The following PADI6 variants were observed in gnomAD, a reference collection of about 807,000 sequenced individuals.
PADI6 encodes peptidyl arginine deiminase 6.
In PADI6, 66 loss-of-function variants were observed where a neutral mutation model predicts 78.2. That is an observed-to-expected ratio of 0.84 (90% confidence interval 0.69 to 1.04). The LOEUF (loss-of-function observed/expected upper bound fraction) is 1.04. Among genes scored for constraint, PADI6 ranks in the 50% least tolerant of loss-of-function variants. The pLI is 0.00. For missense variants in PADI6, 854 were observed against 866.1 expected, an observed-to-expected ratio of 0.99 and a Z score of 0.18; for synonymous variants, 397 against 346.9, an observed-to-expected ratio of 1.14 and a Z score of -1.60.
At chr1:17,375,526 G>A in intron 3 of PADI6, 27 bp downstream of exon 3, 1 of 1,574,790 alleles carries the variant, frequency 6.4e-7, no homozygotes, top group Non-Finnish European at 8.6e-7. Flanking sequence ...CTGGGAGCCT[G>A]GGGCCCAACT....
intron 1 of PADI6, 133 bp downstream of exon 1, chr1:17,372,494 G>A (rs1557593466): frequency 6.0e-6 from 5 of 834,206 alleles, no homozygotes; most frequent in Non-Finnish European, 7.8e-6. Context: ...GAAGCCTTGG[G>A]TCTCTAGTGG....
chr1:17,387,158 C>G (rs1300592287), intron 6 of PADI6, among the ~76,000 whole-genome samples: 1 of 152,134 alleles, frequency 6.6e-6, no homozygotes, highest in Non-Finnish European at 1.5e-5. Flanking sequence ...AATGAATGGA[C>G]TTGGGCTGGG....
intron 3 of PADI6, among the ~76,000 whole-genome samples, chr1:17,376,889 GT>G (rs951735121): frequency 6.8e-6 from 1 of 147,920 alleles, no homozygotes; most frequent in Non-Finnish European, 1.5e-5. Flanking sequence ...GTTTTGTCTT[GT>G]TTTTTGTTTT....
intron 14 of PADI6, among the ~76,000 whole-genome samples, chr1:17,397,928 A>AG (rs565278076): frequency 2.7e-4 from 41 of 152,200 alleles, no homozygotes; most frequent in African/African-American, 9.6e-4. Flanking sequence ...CAAATAGACG[A>AG]GGGACTACTC....
intron 8 of PADI6, among the ~76,000 whole-genome samples, chr1:17,391,462 C>T (rs1043907284): frequency 2.6e-5 from 4 of 152,162 alleles, no homozygotes; most frequent in African/African-American, 4.8e-5. Context: ...TTAGGTGATC[C>T]GCCCGCCTCA....
intron 3 of PADI6, among the ~76,000 whole-genome samples, chr1:17,377,316 T>C (rs1409877647): frequency 2.6e-5 from 4 of 152,090 alleles, no homozygotes; most frequent in Non-Finnish European, 5.9e-5. Flanking sequence ...ACTTGAACGC[T>C]TCAGGGATGT....
chr1:17,400,782 T>C (rs2075294099), intron 15 of PADI6, among the ~76,000 whole-genome samples: 1 of 152,064 alleles, frequency 6.6e-6, no homozygotes, highest in African/African-American at 2.4e-5. Flanking sequence ...CAATTGTACA[T>C]GGGTGTCTTC....
chr1:17,372,308 C>G lies in PADI6; in HGVS notation c.63C>G (p.Ser21Arg), dbSNP rs1422626808. 9 of 1,613,862 alleles carry G rather than the reference C, an allele frequency of 5.6e-6. No individual in the cohort carries two copies. The highest frequency in any genetic ancestry group is 7.6e-6 in the Non-Finnish European group (9 of 1,179,886). Residue 21 changes from serine (S) to arginine (R), a missense_variant, in exon 1 of 16, where the codon AGC becomes AGG. Coordinates refer to ENST00000619609, the MANE Select transcript of PADI6 (RefSeq NM_207421.4). ...GTATCATCCACCTGTCCCTGGACAGCCCTGTCCATGCCGTTTGTGTGTTGG... is the reference window on the plus strand; with the variant it reads ...GTATCATCCACCTGTCCCTGGACAGGCCTGTCCATGCCGTTTGTGTGTTGG... ...FQSIIHLSLD[S>R]PVHAVCVLGT...
At position 17,400,437 on chromosome 1, in the gene PADI6, G is replaced by A. The variant is rs192812678; in HGVS notation, c.1852-768G>A. Among the ~76,000 whole-genome samples, 307 of 152,302 alleles carry A rather than the reference G, an allele frequency of 2.0e-3. 2 individuals are homozygous for A. Among genetic ancestry groups the A allele is most frequent in the African/African-American group, 6.9e-3 (287 of 41,556 alleles). On this transcript the variant is annotated intron_variant, in intron 15 of 15. Transcript: ENST00000619609. The stretch of plus-strand genomic sequence containing the variant: ...CAGGAGAATCGCTTGAACCTGGGAG[G>A]TGGAGGTTGCAGTGAGCGGAGATCA...
intron 3 of PADI6, among the ~76,000 whole-genome samples, chr1:17,377,996 CT>C (rs1480332929): frequency 6.6e-6 from 1 of 152,206 alleles, no homozygotes; most frequent in African/African-American, 2.4e-5. Flanking sequence ...AATCTTCCCC[CT>C]GGGTCATCCT....
intron 8 of PADI6, among the ~76,000 whole-genome samples, chr1:17,391,159 A>ATT (rs1390865560): frequency 6.6e-6 from 1 of 152,174 alleles, no homozygotes; most frequent in African/African-American, 2.4e-5. Flanking sequence ...ATCTCCCAAT[A>ATT]TTAGGGCCTT....
chr1:17,395,066 A>T lies in PADI6; in HGVS notation c.1453A>T (p.Met485Leu). ...AATGACTGGCCACGTGGATGAGTTC[A>T]TGTGCTTCATCCCCACAGATGACAA... ...WLMTGHVDEF[M>L]CFIPTDDKNE... The change falls in exon 12 of 16, where the codon ATG (methionine) becomes TTG (leucine). Residue 485 changes from methionine to leucine, a missense_variant. Transcript: ENST00000619609. 6.2e-7 allele frequency: 1 copy of T among 1,613,996 alleles called. No homozygotes were observed.
chr1:17,398,901 G>A lies in PADI6; in HGVS notation c.1851+54G>A, dbSNP rs1298214146. 10 of 1,565,976 alleles carry A rather than the reference G, an allele frequency of 6.4e-6. No homozygotes were observed. The South Asian group carries it at 9.1e-5, about 14-fold the overall frequency. ...GGGGAGGGCCTGTCCAGGCAACACT[G>A]GCTGCCACCTCACTGTGCTGGACTG... On this transcript the variant is annotated intron_variant, in intron 15 of 15. Coordinates refer to ENST00000619609, the MANE Select transcript of PADI6 (RefSeq NM_207421.4).
At position 17,395,529 on chromosome 1, in the gene PADI6, C is replaced by G. The variant is rs372458762; in HGVS notation, c.1495-11C>G. On this transcript the variant is annotated splice_polypyrimidine_tract_variant and intron_variant, in intron 12 of 15. Transcript: ENST00000619609. The stretch of plus-strand genomic sequence containing the variant: ...AGAAAGCTGGCTTCTGACCCAAGTT[C>G]TGTTTCCCAGGGCTTCCTGCTGCTC... 4.3e-5 allele frequency: 67 copies of G among 1,550,206 alleles called. No homozygotes were observed. In the Middle Eastern group the frequency reaches 1.1e-3, roughly 26 times the overall value.
At chr1:17,386,205 C>T (rs561328696) in intron 6 of PADI6, among the ~76,000 whole-genome samples, 1 of 152,274 alleles carries the variant, frequency 6.6e-6, no homozygotes, top group African/African-American at 2.4e-5. Flanking sequence ...ATGGGGACAA[C>T]AAATGCCTGC....
rs189699141 is a variant in PADI6, at chr1:17,385,517, C to T, written c.680-2864C>T. ...GGGAGCATAGGTGAGCGAAACAGAT[C>T]GGAAGGCATTGTCTGCCTTGGAGGT... On this transcript the variant is annotated intron_variant, in intron 6 of 15. Transcript: ENST00000619609. Among the ~76,000 whole-genome samples, 28 of 152,082 alleles carry T rather than the reference C, an allele frequency of 1.8e-4. No individual in the cohort carries two copies. The East Asian group carries it at 2.5e-3, about 14-fold the overall frequency.
chr1:17,400,948 G>C (rs1377356800), intron 15 of PADI6, among the ~76,000 whole-genome samples: 1 of 152,226 alleles, frequency 6.6e-6, no homozygotes, highest in African/African-American at 2.4e-5. Context: ...GTTGTATCCA[G>C]GTGACAAGAG....
Position 17,388,336 on chromosome 1 carries a change from A to G in PADI6, c.680-45A>G, listed in dbSNP as rs113064675. 441 of 1,532,246 alleles carry G rather than the reference A, an allele frequency of 2.9e-4. 1 individual carries two copies. The African/African-American group carries it at 5.3e-3, about 18-fold the overall frequency. 94.9% of individuals were successfully genotyped at this position (1,532,246 alleles called of 1,614,324 possible). The stretch of plus-strand genomic sequence containing the variant: ...ACCTTGACCATCAAATGTGACCGGC[A>G]CCAGGTTACTTCAGTGGCTGGTCCA... On this transcript the variant is annotated intron_variant, in intron 6 of 15. Coordinates refer to ENST00000619609, the MANE Select transcript of PADI6 (RefSeq NM_207421.4).
intron 6 of PADI6, among the ~76,000 whole-genome samples, chr1:17,385,528 G>T (rs2075111458): frequency 6.6e-6 from 1 of 152,116 alleles, no homozygotes; most frequent in African/African-American, 2.4e-5. Flanking sequence ...GGAAGGCATT[G>T]TCTGCCTTGG....
Sources: gnomAD v4.1 joint callset for allele counts (sites outside exome capture counted in the v4.1 genomes callset) on GRCh38, gnomAD v4.1.1 for gene constraint, MANE v1.5 for transcripts, NCBI Gene and HGNC (gene_info 2026-07-23, HGNC 2026-07-21) for gene names.